SIAH3: variants seen among roughly 807,000 people sequenced by gnomAD.
The protein encoded by SIAH3 is seven in absentia homolog 3.
A neutral mutation model predicts 12.6 loss-of-function variants in SIAH3; 9 were observed. The ratio of observed to expected loss-of-function variants is 0.72; its 90% CI spans 0.43 to 1.25. SIAH3 has a LOEUF of 1.25. Among genes scored for constraint, SIAH3 ranks in the 50% most tolerant of loss-of-function variants. The pLI, the probability that SIAH3 is intolerant of heterozygous loss-of-function variation, is 0.00. For missense variants in SIAH3, 390 were observed against 365.4 expected (o/e 1.07, Z -0.55); for synonymous variants, 154 against 151.1 (o/e 1.02, Z -0.14).
intron 1 of SIAH3, among the ~76,000 whole-genome samples, chr13:45,805,793 T>A (rs963839028): frequency 6.6e-6 from 1 of 152,016 alleles, no homozygotes; most frequent in African/African-American, 2.4e-5. Context: ...AACAGACAAT[T>A]TATAGAATGG....
chr13:45,783,488 G>A lies in SIAH3; in HGVS notation c.705C>T (p.Leu235=), dbSNP rs1302607748. The A allele has an allele frequency of 6.2e-6, 10 of 1,614,046 alleles. No individual in the cohort carries two copies. The highest frequency in any genetic ancestry group is 6.8e-6 in the Non-Finnish European group (8 of 1,180,052). ...VDSVITDGDC[L]VLNTSLAQLF... is the part of the protein sequence containing the mutation. ...GCTGTGCCAGCGAGGTGTTGAGGAC[G>A]AGGCAGTCCCCGTCCGTAATCACCG... Residue 235 remains leucine, a synonymous_variant, in exon 2 of 2, where the codon CTC becomes CTT. Transcript: ENST00000400405.
In SIAH3 at chr13:45,824,700, T is replaced by C. The variant is rs116591553; in HGVS notation, c.135+26795A>G. ...AGCCTGGCACACAAACAATGTTTTGTGGTATAATTTGTTAAAGCAGCGCAT... is the reference window on the plus strand; with the variant it reads ...AGCCTGGCACACAAACAATGTTTTGCGGTATAATTTGTTAAAGCAGCGCAT... On this transcript the variant is annotated intron_variant, in intron 1 of 1. Transcript: ENST00000400405. Among the ~76,000 whole-genome samples the C allele has an allele frequency of 2.6e-3, 392 of 152,200 alleles. 3 individuals carry two copies. Among genetic ancestry groups the C allele is most frequent in the African/African-American group, 9.2e-3 (382 of 41,522 alleles).
At chr13:45,806,890 A>G (rs934468478) in intron 1 of SIAH3, among the ~76,000 whole-genome samples, 13 of 152,194 alleles carry the variant, frequency 8.5e-5, no homozygotes, top group Non-Finnish European at 1.6e-4. Flanking sequence ...TCACTATATT[A>G]CTGTTATTTA....
chr13:45,840,498 G>A (rs1950736345), intron 1 of SIAH3, among the ~76,000 whole-genome samples: 1 of 152,124 alleles, frequency 6.6e-6, no homozygotes, highest in African/African-American at 2.4e-5. Context: ...TCTTAATTTG[G>A]GTTCCCCAAA....
At chr13:45,834,756 G>T (rs1379226278) in intron 1 of SIAH3, among the ~76,000 whole-genome samples, 1 of 152,112 alleles carries the variant, frequency 6.6e-6, no homozygotes, top group African/African-American at 2.4e-5. Context: ...AGGCCTTCTG[G>T]AGGTGATGCA....
At chr13:45,817,279 C>G (rs1029609671) in intron 1 of SIAH3, among the ~76,000 whole-genome samples, 2 of 152,164 alleles carry the variant, frequency 1.3e-5, no homozygotes, top group Admixed American at 1.3e-4. Context: ...CTACAATGTT[C>G]AATATAGTCA....
At chr13:45,820,555 G>A (rs939285908) in intron 1 of SIAH3, among the ~76,000 whole-genome samples, 3 of 152,330 alleles carry the variant, frequency 2.0e-5, no homozygotes, top group Admixed American at 6.5e-5. Flanking sequence ...TAACTCTGAA[G>A]TGTGCAGACA....
intron 1 of SIAH3, among the ~76,000 whole-genome samples, chr13:45,836,430 C>T (rs905441916): frequency 6.6e-6 from 1 of 152,136 alleles, no homozygotes; most frequent in East Asian, 1.9e-4. Context: ...AGTTGGAAGC[C>T]ACTATATTAT....
intron 1 of SIAH3, among the ~76,000 whole-genome samples, chr13:45,835,897 C>T (rs914878936): frequency 6.6e-6 from 1 of 152,226 alleles, no homozygotes; most frequent in South Asian, 2.1e-4. Context: ...TTTCCCTGTT[C>T]TTCAGCCTCT....
intron 1 of SIAH3, among the ~76,000 whole-genome samples, chr13:45,832,161 G>T (rs1462300138): frequency 6.6e-6 from 1 of 152,198 alleles, no homozygotes; most frequent in African/African-American, 2.4e-5. Context: ...TTTTTGATTT[G>T]AGCAAAGTAA....
intron 1 of SIAH3, among the ~76,000 whole-genome samples, chr13:45,829,566 G>T (rs183826445): frequency 6.6e-6 from 1 of 152,212 alleles, no homozygotes; most frequent in African/African-American, 2.4e-5. Context: ...CCATGATCAC[G>T]CCCCTGCACT....
intron 1 of SIAH3, among the ~76,000 whole-genome samples, chr13:45,833,241 T>C (rs1206839885): frequency 2.0e-5 from 3 of 152,176 alleles, no homozygotes; most frequent in African/African-American, 7.2e-5. Flanking sequence ...ATGAAGGAGC[T>C]ACTCCCACTT....
rs575564241 is a variant in SIAH3, at chr13:45,851,393, G to A, written c.135+102C>T. Reference sequence around the variant, plus strand: ...GACACCGTCCCAGCCCCCGAGACCCGGGTTTGCAAAGGGCTGCACACGTTC... The same window carrying A: ...GACACCGTCCCAGCCCCCGAGACCCAGGTTTGCAAAGGGCTGCACACGTTC... On this transcript the variant is annotated intron_variant, in intron 1 of 1. Coordinates refer to ENST00000400405, the MANE Select transcript of SIAH3 (RefSeq NM_198849.3). The A allele has an allele frequency of 8.7e-6, 13 of 1,495,188 alleles. No homozygotes were observed. In the South Asian group the frequency reaches 9.8e-5, roughly 11 times the overall value. The allele number at this position is 1,495,188 out of a possible 1,614,324, so 92.6% of individuals were successfully genotyped here.
chr13:45,819,266 G>A (rs750600009), intron 1 of SIAH3, among the ~76,000 whole-genome samples: 1 of 152,178 alleles, frequency 6.6e-6, no homozygotes, highest in African/African-American at 2.4e-5. Flanking sequence ...TGAATTTTAC[G>A]TGAGCCATTG....
chr13:45,797,866 T>G (rs1950568469), intron 1 of SIAH3, among the ~76,000 whole-genome samples: 1 of 152,202 alleles, frequency 6.6e-6, no homozygotes, highest in Non-Finnish European at 1.5e-5. Context: ...CAGACATCTC[T>G]TTCTAACACT....
intron 1 of SIAH3, among the ~76,000 whole-genome samples, chr13:45,841,573 C>A (rs927242769): frequency 6.6e-6 from 1 of 152,180 alleles, no homozygotes; most frequent in African/African-American, 2.4e-5. Context: ...GAAATGATTA[C>A]AAGATATAGC....
intron 1 of SIAH3, among the ~76,000 whole-genome samples, chr13:45,816,517 C>T (rs1447026049): frequency 6.6e-6 from 1 of 152,166 alleles, no homozygotes; most frequent in African/African-American, 2.4e-5. Context: ...GAGTTATGAA[C>T]CCTGAGGAAT....
chr13:45,784,053 A>G lies in SIAH3; in HGVS notation c.140T>C (p.Val47Ala). 2 of 1,575,404 alleles carry G rather than the reference A, an allele frequency of 1.3e-6. No homozygotes were observed. Among genetic ancestry groups the G allele is most frequent in the South Asian group, 2.4e-5 (2 of 82,862 alleles). ...CTGAGTGACGGCGCGCCGACTGGAC[A>G]CATACTGTAAGGAAAGAGAAGAACG... Reference protein sequence around the residue: ...VVNPTHNLKYVSSRRAVTQSA... With the variant: ...VVNPTHNLKYASSRRAVTQSA... Residue 47 changes from valine (V) to alanine (A), a missense_variant, in exon 2 of 2, where the codon GTG (valine) becomes GCG (alanine). By Grantham distance (64) the Val-to-Ala change is moderately conservative. Transcript: ENST00000400405.
chr13:45,851,343 G>T, intron 1 of SIAH3, 152 bp downstream of exon 1: 1 of 991,228 alleles, frequency 1.0e-6, no homozygotes, highest in Non-Finnish European at 1.5e-6. Flanking sequence ...GCGAGAGTGA[G>T]CCGAGGCAAA....
Sources: gnomAD v4.1 joint callset for allele counts (sites outside exome capture counted in the v4.1 genomes callset) on GRCh38, gnomAD v4.1.1 for gene constraint, MANE v1.5 for transcripts, NCBI Gene and HGNC (gene_info 2026-07-23, HGNC 2026-07-21) for gene names.